Variants in KCNIP4 observed in about 807,000 individuals in gnomAD.
The protein encoded by KCNIP4 is Kv channel-interacting protein 4.
KCNIP4 carries 12 observed loss-of-function variants against 34.0 expected under a neutral mutation model. The observed-to-expected ratio is 0.35, with a 90% confidence interval of 0.23 to 0.57. The LOEUF is 0.57. Ranked by LOEUF, KCNIP4 falls within the 20% of genes least tolerant of loss-of-function variation. KCNIP4 has a pLI of 0.83. For missense variants in KCNIP4, 238 were observed against 311.7 expected, an observed-to-expected ratio of 0.76 and a Z score of 1.78; for synonymous variants, 124 against 102.2, an observed-to-expected ratio of 1.21 and a Z score of -1.29.
At chr4:21,809,997 T>C (rs1396028723) in intron 1 of KCNIP4, among the ~76,000 whole-genome samples, 4 of 152,120 alleles carry the variant, frequency 2.6e-5, no homozygotes, top group Non-Finnish European at 4.4e-5. Flanking sequence ...TTTTAAGGTA[T>C]GGTAAATGGC....
rs11935717 is a variant in KCNIP4, at chr4:21,522,187, C to G, written c.61+426384G>C. On this transcript the variant is annotated intron_variant, in intron 1 of 8. Coordinates refer to ENST00000382152, the MANE Select transcript of KCNIP4 (RefSeq NM_025221.6). ...CTTCAGTCTACACATAATCATCCCC[C>G]ATGCCAATTGACTGAGGAGATTCAT... Among the ~76,000 whole-genome samples, 909 of 152,142 alleles carry G rather than the reference C, an allele frequency of 6.0e-3. 12 individuals carry two copies. Among genetic ancestry groups the G allele is most frequent in the African/African-American group, 0.021 (870 of 41,508 alleles).
At chr4:21,322,360 G>A (rs1191428227) in intron 1 of KCNIP4, among the ~76,000 whole-genome samples, 1 of 152,172 alleles carries the variant, frequency 6.6e-6, no homozygotes, top group Non-Finnish European at 1.5e-5. Context: ...GAAGGAGACA[G>A]TAATGAGGAG....
chr4:21,869,903 G>C (rs1308716025), intron 1 of KCNIP4, among the ~76,000 whole-genome samples: 1 of 152,122 alleles, frequency 6.6e-6, no homozygotes, highest in Non-Finnish European at 1.5e-5. Context: ...AGGTGTCTGA[G>C]AGATAACCAG....
intron 3 of KCNIP4, among the ~76,000 whole-genome samples, chr4:20,837,110 G>T (rs959864787): frequency 6.6e-6 from 1 of 152,122 alleles, no homozygotes; most frequent in Non-Finnish European, 1.5e-5. Flanking sequence ...GGGAACTTGA[G>T]ATGAAAAGTT....
chr4:21,658,210 A>T (rs547539811), intron 1 of KCNIP4, among the ~76,000 whole-genome samples: 1 of 152,324 alleles, frequency 6.6e-6, no homozygotes, highest in East Asian at 1.9e-4. Context: ...ACAACACCAG[A>T]TAAACTTTCT....
chr4:21,257,131 T>C (rs1022473494), intron 1 of KCNIP4, among the ~76,000 whole-genome samples: 7 of 152,122 alleles, frequency 4.6e-5, no homozygotes, highest in Non-Finnish European at 8.8e-5. Flanking sequence ...AATTTGGTGC[T>C]TGAGCACTTT....
At chr4:20,873,014 G>A (rs1488619427) in intron 2 of KCNIP4, among the ~76,000 whole-genome samples, 1 of 152,050 alleles carries the variant, frequency 6.6e-6, no homozygotes, top group African/African-American at 2.4e-5. Flanking sequence ...CATTTTGGTG[G>A]AGTCACTTCA....
chr4:21,637,751 C>T (rs531599105), intron 1 of KCNIP4, among the ~76,000 whole-genome samples: 2 of 147,590 alleles, frequency 1.4e-5, no homozygotes, highest in African/African-American at 5.1e-5. Context: ...CCATTGCACT[C>T]CAGCCTGGGT....
chr4:21,004,074 G>T (rs760645928), intron 1 of KCNIP4, among the ~76,000 whole-genome samples: 4 of 152,170 alleles, frequency 2.6e-5, no homozygotes, highest in Non-Finnish European at 5.9e-5. Flanking sequence ...CAGGAGAATG[G>T]CATGAATAGA....
chr4:21,467,681 A>G (rs140902570), intron 1 of KCNIP4, among the ~76,000 whole-genome samples: 33 of 152,342 alleles, frequency 2.2e-4, no homozygotes, highest in African/African-American at 7.2e-4. Context: ...TAATGATCCC[A>G]GAGTCCTGCT....
intron 1 of KCNIP4, among the ~76,000 whole-genome samples, chr4:21,840,283 T>C (rs1723598542): frequency 6.6e-6 from 1 of 152,038 alleles, no homozygotes; most frequent in Non-Finnish European, 1.5e-5. Flanking sequence ...ATAGAACCTA[T>C]ACATTCTACC....
intron 1 of KCNIP4, chr4:20,916,232 T>C (rs1373806334): frequency 1.4e-6 from 1 of 699,904 alleles, no homozygotes; most frequent in Non-Finnish European, 1.8e-6. Context: ...AGGTTCTCTC[T>C]ATGATTTCTG....
chr4:21,569,155 C>T (rs776199794), intron 1 of KCNIP4, among the ~76,000 whole-genome samples: 2 of 132,050 alleles, frequency 1.5e-5, no homozygotes, highest in African/African-American at 5.7e-5. Context: ...GCTGCTCTAA[C>T]AAACTAAGAC....
intron 1 of KCNIP4, among the ~76,000 whole-genome samples, chr4:21,793,502 C>T (rs553622820): frequency 6.6e-6 from 1 of 152,128 alleles, no homozygotes; most frequent in African/African-American, 2.4e-5. Flanking sequence ...AAGTGATCCA[C>T]CCACCTCGAC....
intron 1 of KCNIP4, among the ~76,000 whole-genome samples, chr4:21,907,276 G>C (rs954087798): frequency 9.2e-5 from 14 of 152,090 alleles, no homozygotes; most frequent in Non-Finnish European, 1.9e-4. Flanking sequence ...AAAAGAGTGG[G>C]TTGCTATAAA....
intron 1 of KCNIP4, among the ~76,000 whole-genome samples, chr4:21,504,475 A>AAAAAAG (rs1264431211): frequency 3.0e-4 from 31 of 101,884 alleles, no homozygotes; most frequent in Middle Eastern, 4.8e-3. Context: ...CAAAAAAAAA[A>AAAAAAG]AAAGAAAGAA....
intron 1 of KCNIP4, among the ~76,000 whole-genome samples, chr4:21,694,600 TA>T (rs936981271): frequency 3.9e-5 from 6 of 152,058 alleles, no homozygotes; most frequent in South Asian, 2.1e-4. Flanking sequence ...CTGTACTCTC[TA>T]AAAAAATTAT....
chr4:21,511,316 A>T (rs1734294551), intron 1 of KCNIP4, among the ~76,000 whole-genome samples: 1 of 148,576 alleles, frequency 6.7e-6, no homozygotes, highest in Non-Finnish European at 1.5e-5. Context: ...TAGGCTTCAT[A>T]TTATAATGAC....
intron 2 of KCNIP4, among the ~76,000 whole-genome samples, chr4:20,876,571 CTT>C (rs375545857): frequency 6.8e-6 from 1 of 146,496 alleles, no homozygotes; most frequent in Non-Finnish European, 1.5e-5. Context: ...GGGAAGAAAT[CTT>C]TTTTTTTTTG....
Sources: gnomAD v4.1 joint callset for allele counts (sites outside exome capture counted in the v4.1 genomes callset) on GRCh38, gnomAD v4.1.1 for gene constraint, MANE v1.5 for transcripts, NCBI Gene and HGNC (gene_info 2026-07-23, HGNC 2026-07-21) for gene names.